RUNX1: variants seen among roughly 807,000 people sequenced by gnomAD.
RUNX1 encodes runt-related transcription factor 1.
A neutral mutation model predicts 42.8 loss-of-function variants in RUNX1; 19 were observed. That is an observed-to-expected ratio of 0.44 (90% CI 0.31 to 0.65). RUNX1 has a LOEUF of 0.65. Among genes scored for constraint, RUNX1 ranks in the 30% least tolerant of loss-of-function variants. RUNX1 has a pLI of 0.07. For missense variants in RUNX1, 528 were observed against 672.0 expected (o/e 0.79, Z 2.37); for synonymous variants, 271 against 289.4 (o/e 0.94, Z 0.64).
intron 7 of RUNX1, among the ~76,000 whole-genome samples, chr21:34,808,474 G>A (rs912821853): frequency 3.0e-4 from 45 of 152,244 alleles, no homozygotes; most frequent in African/African-American, 1.1e-3. Flanking sequence ...TGGCTTTGTG[G>A]TCAGGGCCCT....
chr21:34,807,102 T>C (rs1252192999), intron 7 of RUNX1, among the ~76,000 whole-genome samples: 1 of 151,750 alleles, frequency 6.6e-6, no homozygotes, highest in Non-Finnish European at 1.5e-5. Context: ...GAAGAAATAA[T>C]AAAAATTAGA....
chr21:34,868,157 G>A (rs1021536560), intron 5 of RUNX1, among the ~76,000 whole-genome samples: 1 of 152,202 alleles, frequency 6.6e-6, no homozygotes, highest in Non-Finnish European at 1.5e-5. Flanking sequence ...AGAGAGGGAA[G>A]CTTGAGGCAA....
chr21:34,791,761 G>A lies in RUNX1; in HGVS notation c.*374C>T, dbSNP rs1177201402. ...ACTTGGTTAAAAAGTTAAGTCAAGG[G>A]TATAAAATCTTTCTTTTTATTCACA... On this transcript the variant is annotated 3_prime_UTR_variant, in exon 9 of 9. Transcript: ENST00000675419. 1.8e-5 allele frequency: 4 copies of A among 228,054 alleles called. No homozygotes were observed. Among genetic ancestry groups the A allele is most frequent in the African/African-American group, 8.9e-5 (4 of 44,952 alleles). The allele number at this position is 228,054 out of a possible 1,614,324, so 14.1% of individuals were successfully genotyped here.
chr21:35,004,039 C>G (rs1197553034), intron 2 of RUNX1, among the ~76,000 whole-genome samples: 1 of 152,216 alleles, frequency 6.6e-6, no homozygotes, highest in African/African-American at 2.4e-5. Flanking sequence ...TATAAGATTT[C>G]TTTAAAGTGG....
chr21:35,014,529 T>G (rs1252325591), intron 2 of RUNX1, among the ~76,000 whole-genome samples: 1 of 152,212 alleles, frequency 6.6e-6, no homozygotes, highest in Admixed American at 6.5e-5. Context: ...TCAGCTTATC[T>G]CCAAAGAGTT....
At chr21:34,834,644 G>A (rs2146077737) in intron 6 of RUNX1, 43 bp from the exon 7 acceptor site, 1 of 1,458,984 alleles carries the variant, frequency 6.9e-7, no homozygotes, top group Non-Finnish European at 9.6e-7. Flanking sequence ...GGGGAGGGAA[G>A]GAGGGAGGGA....
At chr21:34,797,971 AC>A (rs1309884822) in intron 8 of RUNX1, 3 of 456,036 alleles carry the variant, frequency 6.6e-6, no homozygotes, top group Non-Finnish European at 1.3e-5. Context: ...ACCCCCCCCA[AC>A]AAAGAATTAT....
chr21:34,891,592 A>T (rs2058081449), intron 3 of RUNX1, among the ~76,000 whole-genome samples: 1 of 152,102 alleles, frequency 6.6e-6, no homozygotes, highest in Non-Finnish European at 1.5e-5. Context: ...TTTTAGCGAC[A>T]ATACAGAATT....
chr21:35,033,481 G>T (rs1409564404), intron 2 of RUNX1, among the ~76,000 whole-genome samples: 1 of 152,226 alleles, frequency 6.6e-6, no homozygotes, highest in Non-Finnish European at 1.5e-5. Flanking sequence ...TGATGGGGAT[G>T]TGGGATTCCT....
chr21:34,890,608 T>G (rs1331707972), intron 3 of RUNX1, among the ~76,000 whole-genome samples: 1 of 152,192 alleles, frequency 6.6e-6, no homozygotes, highest in South Asian at 2.1e-4. Context: ...CCGCTCCCCC[T>G]GGGCACTGCC....
intron 2 of RUNX1, among the ~76,000 whole-genome samples, chr21:34,959,177 G>A (rs990596937): frequency 3.3e-5 from 5 of 151,270 alleles, no homozygotes; most frequent in South Asian, 2.1e-4. Flanking sequence ...TTGTGCACAT[G>A]TACCCTAAAA....
intron 3 of RUNX1, chr21:34,887,601 G>A (rs2058017780): frequency 3.7e-6 from 4 of 1,091,038 alleles, no homozygotes; most frequent in Middle Eastern, 4.0e-4. Context: ...ATTATCTCCC[G>A]TAACAAGGCC....
In RUNX1 at chr21:34,980,655, A is replaced by C. The variant is rs2058840095; in HGVS notation, c.58+68187T>G. 1.3e-5 allele frequency among the ~76,000 whole-genome samples: 2 copies of C among 151,912 alleles called. 1 individual carries two copies. The highest frequency in any genetic ancestry group is 4.9e-5 in the African/African-American group (2 of 41,158). On this transcript the variant is annotated intron_variant, in intron 2 of 8. Transcript: ENST00000675419. ...AAACAGTTTTCCCCATTACTGACGG[A>C]AAGTGAAGTCTCCTCAGAAGGAGGA...
At chr21:34,870,989 C>T (rs2057729169) in intron 5 of RUNX1, among the ~76,000 whole-genome samples, 2 of 152,098 alleles carry the variant, frequency 1.3e-5, no homozygotes, top group South Asian at 4.2e-4. Context: ...ACAAACAGTC[C>T]TGAACAGTCA....
At chr21:35,034,274 G>A (rs1470619773) in intron 2 of RUNX1, among the ~76,000 whole-genome samples, 2 of 152,258 alleles carry the variant, frequency 1.3e-5, no homozygotes, top group Admixed American at 6.5e-5. Context: ...GCAGGCCAGA[G>A]TCATGGCTGC....
chr21:34,971,766 A>G (rs2058765388), intron 2 of RUNX1, among the ~76,000 whole-genome samples: 1 of 152,182 alleles, frequency 6.6e-6, no homozygotes, highest in Admixed American at 6.5e-5. Flanking sequence ...GGGGACAGAA[A>G]GGCTTCTTTG....
intron 7 of RUNX1, among the ~76,000 whole-genome samples, chr21:34,825,274 T>C (rs149903875): frequency 2.4e-4 from 37 of 152,288 alleles, no homozygotes; most frequent in African/African-American, 8.7e-4. Context: ...TAAGCTGTCA[T>C]GAGCTTTTGG....
chr21:34,960,234 G>C (rs2058673027), intron 2 of RUNX1, among the ~76,000 whole-genome samples: 1 of 152,208 alleles, frequency 6.6e-6, no homozygotes, highest in African/African-American at 2.4e-5. Flanking sequence ...CATGACTACA[G>C]AAATGTCCTG....
chr21:34,910,962 G>A (rs762461596), intron 2 of RUNX1, among the ~76,000 whole-genome samples: 2 of 152,028 alleles, frequency 1.3e-5, no homozygotes, highest in Non-Finnish European at 2.9e-5. Context: ...TAGACATGAG[G>A]TCTCCTTATT....
Sources: allele counts gnomAD v4.1 joint callset (sites outside exome capture counted in the v4.1 genomes callset), GRCh38; gene constraint gnomAD v4.1.1; transcripts MANE v1.5; gene names NCBI Gene and HGNC (gene_info 2026-07-23, HGNC 2026-07-21).